Variants in R3HDM2 observed in about 807,000 individuals in gnomAD.
R3HDM2 encodes the protein R3H domain-containing protein 2.
R3HDM2 carries 38 observed loss-of-function variants against 124.5 expected under a neutral mutation model. The observed-to-expected ratio is 0.31, with a 90% CI of 0.24 to 0.40. The LOEUF is 0.40. Among genes scored for constraint, R3HDM2 ranks in the 10% least tolerant of loss-of-function variants. R3HDM2 has a pLI of 1.00. For missense variants in R3HDM2, 869 were observed against 1,236.9 expected (o/e 0.70, Z 4.46); for synonymous variants, 391 against 448.0 (o/e 0.87, Z 1.61).
At chr12:57,358,595 G>GAT (rs1409464312) in intron 2 of R3HDM2, among the ~76,000 whole-genome samples, 1 of 149,934 alleles carries the variant, frequency 6.7e-6, no homozygotes, top group African/African-American at 2.5e-5. Context: ...AGTGAGCCAA[G>GAT]ATGGCACCAT....
intron 12 of R3HDM2, 65 bp downstream of exon 12, chr12:57,288,944 A>T (rs2048007284): frequency 6.5e-7 from 1 of 1,549,702 alleles, no homozygotes; most frequent in African/African-American, 1.4e-5. Context: ...GCATCATTAC[A>T]GGATTATATT....
At chr12:57,294,576 A>AATAACTATAATAATAT in intron 10 of R3HDM2, among the ~76,000 whole-genome samples, 1 of 152,176 alleles carries the variant, frequency 6.6e-6, no homozygotes, top group East Asian at 1.9e-4. Flanking sequence ...CACTAGAGGT[A>AATAACTATAATAATAT]AGATATTATT....
chr12:57,306,841 C>A (rs760598764), intron 3 of R3HDM2, among the ~76,000 whole-genome samples: 9 of 152,146 alleles, frequency 5.9e-5, no homozygotes, highest in Non-Finnish European at 1.0e-4. Context: ...ATGGTGAAAC[C>A]CTGCCTCTAC....
At chr12:57,426,337 T>C (rs1324039644) in intron 1 of R3HDM2, among the ~76,000 whole-genome samples, 1 of 152,190 alleles carries the variant, frequency 6.6e-6, no homozygotes, top group East Asian at 1.9e-4. Flanking sequence ...ATTTAGTTGC[T>C]AAAAATGCCC....
At chr12:57,372,236 G>A (rs2063473688) in intron 2 of R3HDM2, among the ~76,000 whole-genome samples, 1 of 152,110 alleles carries the variant, frequency 6.6e-6, no homozygotes, top group South Asian at 2.1e-4. Flanking sequence ...ACATGAACCA[G>A]GTATGTCATC....
chr12:57,268,411 T>C lies in R3HDM2; in HGVS notation c.1922A>G (p.Gln641Arg). The change falls in exon 18 of 24, where the codon CAG becomes CGG. Residue 641 changes from glutamine to arginine, a missense_variant. Gln to Arg is a conservative substitution (Grantham distance 43). Coordinates refer to ENST00000402412, the MANE Select transcript of R3HDM2 (RefSeq NM_001394031.1). ...GCTCACAGGGACCAGCATGGGTTGC[T>C]GGAAAGGCGGCTGGACCACATTTTG... is the stretch of plus-strand genomic sequence containing the variant. ...DSQNVVQPPF[Q>R]QPMLVPVSQS... 6.2e-7 allele frequency: 1 copy of C among 1,614,070 alleles called. No individual in the cohort carries two copies. Among genetic ancestry groups the C allele is most frequent in the Non-Finnish European group, 8.5e-7 (1 of 1,179,994 alleles).
chr12:57,383,176 C>T lies in R3HDM2; in HGVS notation c.-36+12573G>A, dbSNP rs577794935. Among the ~76,000 whole-genome samples the T allele has an allele frequency of 2.6e-5, 4 of 152,044 alleles. No individual in the cohort carries two copies. In the South Asian group the frequency reaches 8.3e-4, roughly 32 times the overall value. On this transcript the variant is annotated intron_variant, in intron 2 of 23. Transcript: ENST00000402412. ...AGCCAAAAAAAATTTTTTTATTAGCCGAATGTGGTGGTGCATGCCTGTAGT... is the reference window on the plus strand; with the variant it reads ...AGCCAAAAAAAATTTTTTTATTAGCTGAATGTGGTGGTGCATGCCTGTAGT...
chr12:57,320,731 G>C (rs942966532), intron 2 of R3HDM2, among the ~76,000 whole-genome samples: 2 of 151,952 alleles, frequency 1.3e-5, no homozygotes, highest in Non-Finnish European at 2.9e-5. Context: ...TTACTGCTAG[G>C]GTAAGTACCT....
chr12:57,370,986 A>C (rs553085269), intron 2 of R3HDM2, among the ~76,000 whole-genome samples: 1 of 151,510 alleles, frequency 6.6e-6, no homozygotes, highest in South Asian at 2.1e-4. Context: ...AGTAGAACTG[A>C]TTAGAAGCAG....
At chr12:57,270,191 G>T (rs1300014735) in intron 14 of R3HDM2, among the ~76,000 whole-genome samples, 197 bp from the exon 15 acceptor site, 1 of 152,120 alleles carries the variant, frequency 6.6e-6, no homozygotes, top group Non-Finnish European at 1.5e-5. Context: ...TATCACATAT[G>T]AGGTAACAAT....
chr12:57,317,365 A>G (rs1166590200), intron 2 of R3HDM2, among the ~76,000 whole-genome samples: 1 of 150,246 alleles, frequency 6.7e-6, no homozygotes, highest in Non-Finnish European at 1.5e-5. Context: ...TTGTATTTGT[A>G]ATAGAGATGG....
intron 1 of R3HDM2, among the ~76,000 whole-genome samples, chr12:57,419,083 A>G (rs2069928703): frequency 6.6e-6 from 1 of 151,582 alleles, no homozygotes; most frequent in South Asian, 2.1e-4. Flanking sequence ...GGCCCTAAAT[A>G]TATCTTTCTC....
intron 2 of R3HDM2, among the ~76,000 whole-genome samples, chr12:57,353,697 G>C (rs746032853): frequency 1.3e-5 from 2 of 152,094 alleles, no homozygotes; most frequent in Non-Finnish European, 2.9e-5. Flanking sequence ...CTATAGGTGT[G>C]TGCCACCATA....
chr12:57,315,650 C>A (rs552211793), intron 2 of R3HDM2, among the ~76,000 whole-genome samples: 7 of 152,162 alleles, frequency 4.6e-5, no homozygotes, highest in Non-Finnish European at 8.8e-5. Context: ...AGCCAAAACA[C>A]TGAACACAAA....
chr12:57,262,231 C>T (rs1251583244), intron 19 of R3HDM2, among the ~76,000 whole-genome samples: 6 of 151,980 alleles, frequency 3.9e-5, no homozygotes, highest in Non-Finnish European at 7.4e-5. Flanking sequence ...AAATGGAAGA[C>T]GAAAGAGCAG....
At chr12:57,345,021 A>G (rs565064222) in intron 2 of R3HDM2, among the ~76,000 whole-genome samples, 1 of 152,044 alleles carries the variant, frequency 6.6e-6, no homozygotes, top group African/African-American at 2.4e-5. Flanking sequence ...TTTAGTAGAT[A>G]CTGGGTTTCT....
At chr12:57,326,347 C>T (rs1482395894) in intron 2 of R3HDM2, among the ~76,000 whole-genome samples, 1 of 152,234 alleles carries the variant, frequency 6.6e-6, no homozygotes, top group Admixed American at 6.5e-5. Flanking sequence ...AAAAGCTAGG[C>T]CTCTTGTGCC....
chr12:57,422,047 G>A (rs1479235274), intron 1 of R3HDM2, among the ~76,000 whole-genome samples: 1 of 145,620 alleles, frequency 6.9e-6, no homozygotes, highest in Non-Finnish European at 1.5e-5. Flanking sequence ...GAGCCGAAAT[G>A]TGCCACTGCA....
At chr12:57,400,795 A>G (rs2067980768) in intron 1 of R3HDM2, among the ~76,000 whole-genome samples, 2 of 152,198 alleles carry the variant, frequency 1.3e-5, no homozygotes, top group South Asian at 2.1e-4. Flanking sequence ...TAAAAGGACC[A>G]GAGTGTTAAC....
Sources: gnomAD v4.1 joint callset for allele counts (sites outside exome capture counted in the v4.1 genomes callset) on GRCh38, gnomAD v4.1.1 for gene constraint, MANE v1.5 for transcripts, NCBI Gene and HGNC (gene_info 2026-07-23, HGNC 2026-07-21) for gene names.